CLSTN1: variants seen among roughly 807,000 people sequenced by gnomAD.
The protein encoded by CLSTN1 is calsyntenin-1.
A neutral mutation model predicts 108.3 loss-of-function variants in CLSTN1; 28 were observed. That is an observed-to-expected ratio of 0.26 (90% CI 0.19 to 0.35). The LOEUF (loss-of-function observed/expected upper bound fraction) is 0.35, where lower values mean the gene tolerates loss of function less well. Among genes scored for constraint, CLSTN1 ranks in the 10% least tolerant of loss-of-function variants. The pLI is 1.00. For synonymous variants in CLSTN1, 524 were observed against 534.9 expected (o/e 0.98, Z 0.28); for missense variants, 1,157 against 1,302.6 (o/e 0.89, Z 1.72).
upstream of CLSTN1, chr1:9,824,421 A>AGG (rs1397206588): frequency 6.6e-6 from 1 of 152,144 alleles, no homozygotes; most frequent in Non-Finnish European, 1.5e-5. The surrounding 1 kb of genome is among the most constrained non-coding windows in gnomAD (Gnocchi z 5.0). Context: ...AGTGCGGCCC[A>AGG]GGACCCTTGT....
intron 1 of CLSTN1, among the ~76,000 whole-genome samples, chr1:9,785,731 A>G (rs1653456693): frequency 6.6e-6 from 1 of 152,160 alleles, no homozygotes; most frequent in South Asian, 2.1e-4. Context: ...TGTCTACATG[A>G]AAATCACTTG....
chr1:9,797,327 G>A (rs1375876171), intron 1 of CLSTN1, among the ~76,000 whole-genome samples: 2 of 152,038 alleles, frequency 1.3e-5, no homozygotes, highest in Non-Finnish European at 2.9e-5. Context: ...AGTGGGGGAG[G>A]GAGAGGGTAG....
chr1:9,741,351 C>T lies in CLSTN1; in HGVS notation c.1357-95G>A, dbSNP rs1284534759. 4.9e-6 allele frequency: 6 copies of T among 1,229,910 alleles called. No individual in the cohort carries two copies. The African/African-American group carries it at 6.1e-5, about 12-fold the overall frequency. The allele number at this position is 1,229,910 out of a possible 1,614,324, so 76.2% of individuals were successfully genotyped here. A position where few individuals can be genotyped will look rare whatever the true frequency, so the allele number is the denominator to read the frequency against. Reference sequence around the variant, plus strand: ...CAAGTCACCCAACACAAGGGTCTTCCTAGGAGGAAAAGGATGAAAAAAATC... The same window carrying T: ...CAAGTCACCCAACACAAGGGTCTTCTTAGGAGGAAAAGGATGAAAAAAATC... On this transcript the variant is annotated intron_variant, in intron 9 of 18. Coordinates refer to ENST00000377298, the MANE Select transcript of CLSTN1 (RefSeq NM_001009566.3).
At chr1:9,751,409 G>A (rs1570452056) in intron 5 of CLSTN1, 64 bp downstream of exon 5, 3 of 1,508,016 alleles carry the variant, frequency 2.0e-6, no homozygotes, top group Non-Finnish European at 1.8e-6. Context: ...AAGCTGGGGT[G>A]TAAAGTCAGT....
At chr1:9,754,192 T>C (rs1196481842) in intron 4 of CLSTN1, among the ~76,000 whole-genome samples, 1 of 152,178 alleles carries the variant, frequency 6.6e-6, no homozygotes, top group African/African-American at 2.4e-5. Context: ...GAAGCAGACT[T>C]TTTCAATTTT....
At chr1:9,747,052 T>C (rs1202276212) in intron 7 of CLSTN1, among the ~76,000 whole-genome samples, 1 of 151,806 alleles carries the variant, frequency 6.6e-6, no homozygotes, top group African/African-American at 2.4e-5. Context: ...TCATGGCACA[T>C]GCCTGTAATC....
intron 1 of CLSTN1, among the ~76,000 whole-genome samples, chr1:9,780,278 C>T (rs1302250940): frequency 6.6e-6 from 1 of 152,176 alleles, no homozygotes; most frequent in Non-Finnish European, 1.5e-5. Flanking sequence ...ACTATAAATA[C>T]TAAAACTAAA....
intron 1 of CLSTN1, among the ~76,000 whole-genome samples, chr1:9,777,989 A>T (rs1347902682): frequency 6.6e-6 from 1 of 151,872 alleles, no homozygotes; most frequent in African/African-American, 2.4e-5. Flanking sequence ...ACGGCAGGGG[A>T]GGGCACTGGA....
chr1:9,744,156 T>C, intron 8 of CLSTN1, 151 bp from the exon 9 acceptor site: 3 of 1,203,082 alleles, frequency 2.5e-6, no homozygotes, highest in Non-Finnish European at 3.4e-6. Flanking sequence ...CAAATACACT[T>C]GGGCTTTCCT....
At chr1:9,795,091 A>G (rs549205031) in intron 1 of CLSTN1, among the ~76,000 whole-genome samples, 3 of 151,170 alleles carry the variant, frequency 2.0e-5, no homozygotes, top group South Asian at 4.3e-4. Context: ...TATTATTTAC[A>G]TTCCTAAAAT....
intron 1 of CLSTN1, among the ~76,000 whole-genome samples, chr1:9,781,887 T>C (rs919437816): frequency 6.6e-6 from 1 of 152,174 alleles, no homozygotes; most frequent in Non-Finnish European, 1.5e-5. Flanking sequence ...AACCCATCAG[T>C]AGTAATGTGT....
intron 7 of CLSTN1, among the ~76,000 whole-genome samples, chr1:9,745,435 T>C (rs1018490393): frequency 6.6e-6 from 1 of 152,050 alleles, no homozygotes; most frequent in African/African-American, 2.4e-5. Flanking sequence ...GGCACACAGA[T>C]TGCTTGAGCC....
At chr1:9,807,151 G>A (rs1229592566) in intron 1 of CLSTN1, among the ~76,000 whole-genome samples, 1 of 151,992 alleles carries the variant, frequency 6.6e-6, no homozygotes, top group African/African-American at 2.4e-5. Context: ...TCAAGCCTGT[G>A]AGAAGCCCTG....
intron 1 of CLSTN1, among the ~76,000 whole-genome samples, chr1:9,812,530 G>C (rs1186402288): frequency 2.0e-5 from 3 of 152,140 alleles, no homozygotes; most frequent in Non-Finnish European, 2.9e-5. Context: ...GCCAGGCATA[G>C]AAGGGCCCCA....
chr1:9,790,437 C>A lies in CLSTN1; in HGVS notation c.92-17043G>T, dbSNP rs180828552. On this transcript the variant is annotated intron_variant, in intron 1 of 18. Transcript: ENST00000377298. ...AGCGTATTGATTGGTGAATTATTGACTGTCAAATGTTGAAACAGTCTTATG... is the reference window on the plus strand; with the variant it reads ...AGCGTATTGATTGGTGAATTATTGAATGTCAAATGTTGAAACAGTCTTATG... Among the ~76,000 whole-genome samples the A allele has an allele frequency of 1.3e-3, 186 of 147,866 alleles. 14 individuals are homozygous for A. The East Asian group carries it at 0.03, about 24-fold the overall frequency.
In CLSTN1 at chr1:9,734,939, G is replaced by C; in HGVS notation, c.2110+9C>G. 1 of 1,609,736 alleles carries C rather than the reference G, an allele frequency of 6.2e-7. No individual in the cohort carries two copies. Among genetic ancestry groups the C allele is most frequent in the Non-Finnish European group, 8.5e-7 (1 of 1,176,012 alleles). ...GGCGAGGGAGCCCGCGCCCCACAGA[G>C]CACATTACCTGTGGGGTCCTCAGCC... On this transcript the variant is annotated intron_variant, in intron 14 of 18. Coordinates refer to ENST00000377298, the MANE Select transcript of CLSTN1 (RefSeq NM_001009566.3). The surrounding 1 kb of genome is among the most constrained non-coding windows in gnomAD (Gnocchi z 4.8).
At chr1:9,737,907 G>A (rs981854233) in intron 10 of CLSTN1, among the ~76,000 whole-genome samples, 5 of 152,306 alleles carry the variant, frequency 3.3e-5, no homozygotes, top group Non-Finnish European at 7.3e-5. Context: ...CTGAGCCTGG[G>A]CTGCAATGCT....
intron 1 of CLSTN1, among the ~76,000 whole-genome samples, chr1:9,792,929 T>C (rs1292236246): frequency 6.6e-6 from 1 of 151,328 alleles, no homozygotes; most frequent in Admixed American, 6.7e-5. Flanking sequence ...GAGACAGAGG[T>C]GGACAGCCTC....
chr1:9,767,268 C>T lies in CLSTN1; in HGVS notation c.214+6004G>A, dbSNP rs1256885048. ...GTAAGATTGGAGAAGAGAGGCTGGG[C>T]GCAGTGGCTCACGCCTGTAATCCCA... On this transcript the variant is annotated intron_variant, in intron 2 of 18. Coordinates refer to ENST00000377298, the MANE Select transcript of CLSTN1 (RefSeq NM_001009566.3). 5.9e-5 allele frequency among the ~76,000 whole-genome samples: 9 copies of T among 152,316 alleles called. No individual in the cohort carries two copies. In the East Asian group the frequency reaches 1.5e-3, roughly 26 times the overall value.
Sources: gnomAD v4.1 joint callset for allele counts (sites outside exome capture counted in the v4.1 genomes callset) on GRCh38, gnomAD v4.1.1 for gene constraint, Gnocchi (gnomAD v3.1) non-coding constraint, MANE v1.5 for transcripts, NCBI Gene and HGNC (gene_info 2026-07-23, HGNC 2026-07-21) for gene names.